PKD2L2: variants seen among roughly 807,000 people sequenced by gnomAD.
PKD2L2 encodes polycystin 2 like 2, transient receptor potential cation channel.
A neutral mutation model predicts 83.9 loss-of-function variants in PKD2L2; 67 were observed. That is an observed-to-expected ratio of 0.80 (90% CI 0.66 to 0.98). The LOEUF (loss-of-function observed/expected upper bound fraction) is 0.98. Among genes scored for constraint, PKD2L2 ranks in the 50% least tolerant of loss-of-function variants. PKD2L2 has a pLI of 0.00. For synonymous variants in PKD2L2, 223 were observed against 237.8 expected, an observed-to-expected ratio of 0.94 and a Z score of 0.57; for missense variants, 632 against 717.2, an observed-to-expected ratio of 0.88 and a Z score of 1.36.
At chr5:137,892,232 G>A (rs1468322529) in intron 2 of PKD2L2, among the ~76,000 whole-genome samples, 2 of 152,104 alleles carry the variant, frequency 1.3e-5, no homozygotes, top group Non-Finnish European at 2.9e-5. Flanking sequence ...CCTCATTTTT[G>A]TAAAGATAAA....
At chr5:137,901,360 A>T (rs1241941615) in intron 5 of PKD2L2, among the ~76,000 whole-genome samples, 1 of 152,126 alleles carries the variant, frequency 6.6e-6, no homozygotes, top group African/African-American at 2.4e-5. Flanking sequence ...TTGAGGAGAA[A>T]GGATATCTGC....
At chr5:137,910,538 C>A (rs898463138) in intron 8 of PKD2L2, among the ~76,000 whole-genome samples, 1 of 151,648 alleles carries the variant, frequency 6.6e-6, no homozygotes, top group Non-Finnish European at 1.5e-5. Context: ...TTTGGGAGGC[C>A]GAGGCGGGTG....
chr5:137,897,946 TAAAAA>T (rs1756617914), intron 4 of PKD2L2, among the ~76,000 whole-genome samples: 1 of 149,082 alleles, frequency 6.7e-6, no homozygotes, highest in South Asian at 2.1e-4. Context: ...AATTAAAAAA[TAAAAA>T]GAAGAAACAA....
chr5:137,924,779 A>T (rs905057782), intron 10 of PKD2L2, among the ~76,000 whole-genome samples: 1 of 152,200 alleles, frequency 6.6e-6, no homozygotes, highest in South Asian at 2.1e-4. Flanking sequence ...AATACATGTT[A>T]ACGCTTTTTA....
chr5:137,924,147 A>G (rs1389333426), intron 10 of PKD2L2, among the ~76,000 whole-genome samples: 1 of 152,156 alleles, frequency 6.6e-6, no homozygotes, highest in Admixed American at 6.5e-5. Context: ...ACATTTCCTG[A>G]CTATTCTAGC....
intron 10 of PKD2L2, 106 bp from the exon 11 acceptor site, chr5:137,924,934 A>G (rs1759249334): frequency 2.8e-6 from 2 of 703,918 alleles, no homozygotes; most frequent in East Asian, 5.5e-5. Flanking sequence ...CCTTTAGGGT[A>G]GCAATCCAGA....
Position 137,889,464 on chromosome 5 carries a change from C to T in PKD2L2, c.-28C>T, listed in dbSNP as rs199768710. 591 of 1,584,734 alleles carry T rather than the reference C, an allele frequency of 3.7e-4. 1 individual carries two copies. Among genetic ancestry groups the T allele is most frequent in the Non-Finnish European group, 4.8e-4 (565 of 1,167,940 alleles). ...CGCAAGCGCCGCGGCCTCAGGCGAA[C>T]GAACGGGCGGTGTAGTGCAGGTCCG... On this transcript the variant is annotated 5_prime_UTR_variant, in exon 1 of 15. In the 5' UTR this introduces an upstream ATG that the reference lacks. Coordinates refer to ENST00000508883, the MANE Select transcript of PKD2L2 (RefSeq NM_001300921.2).
intron 5 of PKD2L2, among the ~76,000 whole-genome samples, chr5:137,904,217 G>T (rs1254865880): frequency 6.6e-6 from 1 of 152,118 alleles, no homozygotes; most frequent in East Asian, 1.9e-4. Flanking sequence ...AAACAACATG[G>T]GAGTCAGAAT....
At chr5:137,894,051 C>A (rs1218907855) in intron 3 of PKD2L2, among the ~76,000 whole-genome samples, 1 of 152,102 alleles carries the variant, frequency 6.6e-6, no homozygotes, top group Non-Finnish European at 1.5e-5. Flanking sequence ...TGGCTATGAC[C>A]AGCTCTGATA....
At chr5:137,918,811 G>A (rs1758612310) in intron 8 of PKD2L2, among the ~76,000 whole-genome samples, 1 of 150,328 alleles carries the variant, frequency 6.7e-6, no homozygotes, top group Admixed American at 6.7e-5. Context: ...GGAGAAATAA[G>A]TTTCCCATGG....
chr5:137,937,844 T>C (rs1760604151), intron 14 of PKD2L2: 1 of 151,846 alleles, frequency 6.6e-6, no homozygotes, highest in African/African-American at 2.4e-5. Flanking sequence ...ACCCTGTTGT[T>C]CCCTACCATC....
chr5:137,934,696 C>T (rs1760167215), intron 12 of PKD2L2, among the ~76,000 whole-genome samples: 1 of 152,120 alleles, frequency 6.6e-6, no homozygotes, highest in South Asian at 2.1e-4. Flanking sequence ...CCTGTAATCC[C>T]AGCTACTCGG....
intron 14 of PKD2L2, chr5:137,939,960 T>C (rs1581023190): frequency 2.0e-6 from 3 of 1,484,580 alleles, no homozygotes; most frequent in Admixed American, 2.5e-5. Flanking sequence ...AGGATGTATC[T>C]GTAGTACAAA....
intron 14 of PKD2L2, among the ~76,000 whole-genome samples, chr5:137,937,790 G>C (rs890144459): frequency 1.3e-5 from 2 of 152,070 alleles, no homozygotes; most frequent in African/African-American, 4.8e-5. Flanking sequence ...GCCTTTCCCT[G>C]TCTTACCATT....
intron 2 of PKD2L2, among the ~76,000 whole-genome samples, chr5:137,892,136 A>G (rs1213697806): frequency 6.6e-6 from 1 of 152,248 alleles, no homozygotes; most frequent in East Asian, 1.9e-4. Context: ...TTCAAAGTCC[A>G]TGTAACCTTA....
intron 7 of PKD2L2, 23 bp downstream of exon 7, chr5:137,907,935 C>A: frequency 9.5e-7 from 1 of 1,050,714 alleles, no homozygotes; most frequent in Non-Finnish European, 1.4e-6. Flanking sequence ...CATTATATTA[C>A]ATAATACAAG....
intron 4 of PKD2L2, among the ~76,000 whole-genome samples, chr5:137,894,910 G>C (rs1204856141): frequency 2.0e-5 from 3 of 152,154 alleles, no homozygotes; most frequent in African/African-American, 7.2e-5. Context: ...CAATTAATCT[G>C]CTTTTCTGGC....
At position 137,921,589 on chromosome 5, in the gene PKD2L2, G is replaced by A. The variant is rs372455822; in HGVS notation, c.1329-47G>A. On this transcript the variant is annotated intron_variant, in intron 8 of 14. Coordinates refer to ENST00000508883, the MANE Select transcript of PKD2L2 (RefSeq NM_001300921.2). ...ATTAGTAACTCCCATCAGTTGTCAT[G>A]TATGTACATAAAGGTATATATTTTC... 1.3e-5 allele frequency: 16 copies of A among 1,225,790 alleles called. No individual in the cohort carries two copies. The African/African-American group carries it at 1.8e-4, about 14-fold the overall frequency. 75.9% of individuals were successfully genotyped at this position (1,225,790 alleles called of 1,614,324 possible).
intron 14 of PKD2L2, chr5:137,940,232 G>A (rs1761232480): frequency 6.2e-7 from 1 of 1,613,722 alleles, no homozygotes; most frequent in Non-Finnish European, 8.5e-7. Flanking sequence ...ATCTTATATG[G>A]ATTTTGAAGA....
Sources: gnomAD v4.1 joint callset for allele counts (sites outside exome capture counted in the v4.1 genomes callset) on GRCh38, gnomAD v4.1.1 for gene constraint, MANE v1.5 for transcripts, NCBI Gene and HGNC (gene_info 2026-07-23, HGNC 2026-07-21) for gene names.